Variants in PHF12 observed in about 807,000 individuals in gnomAD.
PHF12 encodes the protein PHD finger protein 12.
PHF12 carries 6 observed loss-of-function variants against 99.8 expected under a neutral mutation model. That is an observed-to-expected ratio of 0.06 (90% confidence interval 0.03 to 0.12). The LOEUF (loss-of-function observed/expected upper bound fraction) is 0.12. Ranked by LOEUF, PHF12 falls within the 10% of genes least tolerant of loss-of-function variation. The probability of loss-of-function intolerance (pLI) is 1.00; values close to 1 mark genes in which losing one functional copy is unlikely to be tolerated. For missense variants in PHF12, 954 were observed against 1,300.1 expected (o/e 0.73, Z 4.09); for synonymous variants, 480 against 514.9 (o/e 0.93, Z 0.92).
Position 28,950,345 on chromosome 17 carries a change from C to T in PHF12, c.67-99G>A, listed in dbSNP as rs147098834. 15 of 1,309,442 alleles carry T rather than the reference C, an allele frequency of 1.1e-5. No individual in the cohort carries two copies. Among genetic ancestry groups the T allele is most frequent in the African/African-American group, 4.5e-5 (3 of 67,036 alleles). 81.1% of individuals were successfully genotyped at this position (1,309,442 alleles called of 1,614,324 possible). A position where few individuals can be genotyped will look rare whatever the true frequency, so the allele number is the denominator to read the frequency against. ...TCTCCGTCACCCACCCCTCTCCCCC[C>T]TTTTGTCCTTCTTCCTCCCATCCAG... On this transcript the variant is annotated intron_variant, in intron 1 of 14. Transcript: ENST00000332830. This position sits in a 1 kb window ranked among gnomAD's most constrained non-coding sequence, Gnocchi z 5.7.
intron 4 of PHF12, among the ~76,000 whole-genome samples, chr17:28,923,624 C>G (rs1278323952): frequency 1.1e-5 from 1 of 91,798 alleles, no homozygotes; most frequent in African/African-American, 4.8e-5. Context: ...TGCCACTGCA[C>G]TCTAGCCTGA....
chr17:28,943,305 A>G (rs1324214947), intron 2 of PHF12, among the ~76,000 whole-genome samples: 3 of 152,174 alleles, frequency 2.0e-5, no homozygotes, highest in Admixed American at 6.6e-5. Context: ...CTCTAGGTGT[A>G]TATCCAAGAG....
Position 28,949,984 on chromosome 17 carries a change from C to T in PHF12, c.248+81G>A. On this transcript the variant is annotated intron_variant, in intron 2 of 14. Transcript: ENST00000332830. This position sits in a 1 kb window ranked among gnomAD's most constrained non-coding sequence, Gnocchi z 4.6. ...TAGCGGCTGCAAGCGCCCGTTATTTCGGCAGTCAGGGGCAGGCCGGGTGAA... is the reference window on the plus strand; with the variant it reads ...TAGCGGCTGCAAGCGCCCGTTATTTTGGCAGTCAGGGGCAGGCCGGGTGAA... 2 of 1,412,676 alleles carry T rather than the reference C, an allele frequency of 1.4e-6. No homozygotes were observed. The highest frequency in any genetic ancestry group is 1.5e-5 in the South Asian group (1 of 68,212). The allele number at this position is 1,412,676 out of a possible 1,614,324, so 87.5% of individuals were successfully genotyped here.
At position 28,927,179 on chromosome 17, in the gene PHF12, T is replaced by C. The variant is rs1247454707; in HGVS notation, c.249-116A>G. ...ATTGTGGCCAGTCCTGCAGGACTGC[T>C]AGGGTTGTCTCCTCCAAAATGCCTA... On this transcript the variant is annotated intron_variant, in intron 2 of 14. Coordinates refer to ENST00000332830, the MANE Select transcript of PHF12 (RefSeq NM_001033561.2). 4 of 866,062 alleles carry C rather than the reference T, an allele frequency of 4.6e-6. No homozygotes were observed. The African/African-American group carries it at 5.1e-5, about 11-fold the overall frequency. 53.6% of individuals were successfully genotyped at this position (866,062 alleles called of 1,614,324 possible). A position where few individuals can be genotyped will look rare whatever the true frequency, so the allele number is the denominator to read the frequency against.
intron 2 of PHF12, chr17:28,945,151 T>G (rs1482733640): frequency 7.2e-5 from 11 of 152,172 alleles, no homozygotes; most frequent in Non-Finnish European, 4.4e-5. Context: ...GTCCCACTAC[T>G]TGGGAGGCTT....
At chr17:28,943,636 TAAACAAAC>T (rs34269306) in intron 2 of PHF12, among the ~76,000 whole-genome samples, 98 of 151,526 alleles carry the variant, frequency 6.5e-4, no homozygotes, top group African/African-American at 2.3e-3. Context: ...TCTCAAAAAA[TAAACAAAC>T]AAACAAACAA....
At chr17:28,909,264 T>C (rs1218394322) in intron 11 of PHF12, 1 of 187,010 alleles carries the variant, frequency 5.3e-6, no homozygotes, top group Non-Finnish European at 1.1e-5. Context: ...CCTACAGATC[T>C]TGTTGAAATG....
chr17:28,937,790 T>G (rs2040535902), intron 2 of PHF12, among the ~76,000 whole-genome samples: 1 of 152,218 alleles, frequency 6.6e-6, no homozygotes, highest in South Asian at 2.1e-4. Flanking sequence ...ATCACTAGCC[T>G]GGTTTGGCTA....
chr17:28,929,631 C>T (rs1213177462), intron 2 of PHF12: 1 of 152,188 alleles, frequency 6.6e-6, no homozygotes, highest in East Asian at 1.9e-4. Context: ...TTCTTAGCTC[C>T]CTGTTTCCCC....
chr17:28,933,227 G>A (rs907214645), intron 2 of PHF12, among the ~76,000 whole-genome samples: 1 of 152,202 alleles, frequency 6.6e-6, no homozygotes, highest in Non-Finnish European at 1.5e-5. Flanking sequence ...ACTATAATGA[G>A]ACAATGCTGC....
At chr17:28,919,586 A>C (rs1315359227) in intron 5 of PHF12, among the ~76,000 whole-genome samples, 5 of 152,098 alleles carry the variant, frequency 3.3e-5, no homozygotes, top group Non-Finnish European at 7.4e-5. Context: ...TAAAAATACA[A>C]AAAATTAGCT....
At chr17:28,921,841 C>G (rs2040172183) in intron 4 of PHF12, 33 bp from the exon 5 acceptor site, 1 of 1,611,054 alleles carries the variant, frequency 6.2e-7, no homozygotes, top group Admixed American at 1.7e-5. Flanking sequence ...TGAGCTATCC[C>G]TGGCTTCAGA....
chr17:28,930,975 G>A (rs1040928185), intron 2 of PHF12, among the ~76,000 whole-genome samples: 2 of 152,180 alleles, frequency 1.3e-5, no homozygotes, highest in African/African-American at 4.8e-5. Flanking sequence ...GTGGGGCTGA[G>A]GTGAGAGGAT....
chr17:28,912,111 C>T (rs1160628634), intron 9 of PHF12: 1 of 1,065,068 alleles, frequency 9.4e-7, no homozygotes, highest in African/African-American at 1.7e-5. Flanking sequence ...CGCAGAACCT[C>T]AGGCTGATCA....
rs1555609579 is a variant in PHF12 at position 28,950,983 on chromosome 17, G to A, written c.-23C>T. 17 of 1,613,534 alleles carry A rather than the reference G, an allele frequency of 1.1e-5. No homozygotes were observed. Among genetic ancestry groups the A allele is most frequent in the South Asian group, 3.3e-5 (3 of 91,026 alleles). ...CATTCATCCACCTCCCGGGCTGGGT[G>A]CTCTCTGCTCCGGCCCCCCCAACCC... is the stretch of plus-strand genomic sequence containing the variant. On this transcript the variant is annotated 5_prime_UTR_variant, in exon 1 of 15. Transcript: ENST00000332830. The surrounding 1 kb of genome is among the most constrained non-coding windows in gnomAD (Gnocchi z 5.7).
intron 8 of PHF12, 63 bp downstream of exon 8, chr17:28,913,816 A>G (rs2040012038): frequency 8.4e-6 from 13 of 1,551,136 alleles, no homozygotes; most frequent in South Asian, 1.2e-5. Flanking sequence ...GCTACTTCTG[A>G]TAACAGCTGT....
chr17:28,906,721 C>G lies in PHF12; in HGVS notation c.2680+135G>C. 7.2e-7 allele frequency: 1 copy of G among 1,383,706 alleles called. No homozygotes were observed. Among genetic ancestry groups the G allele is most frequent in the Non-Finnish European group, 9.8e-7 (1 of 1,024,344 alleles). The allele number at this position is 1,383,706 out of a possible 1,614,324, so 85.7% of individuals were successfully genotyped here. A position where few individuals can be genotyped will look rare whatever the true frequency, so the allele number is the denominator to read the frequency against. ...GTACTCAGCACTTGCTTCTCTGTGGCCTGCCCTGGGCCCACGAGGAAGTAG... is the reference window on the plus strand; with the variant it reads ...GTACTCAGCACTTGCTTCTCTGTGGGCTGCCCTGGGCCCACGAGGAAGTAG... On this transcript the variant is annotated intron_variant, in intron 14 of 14. Transcript: ENST00000332830. The surrounding 1 kb of genome is among the most constrained non-coding windows in gnomAD (Gnocchi z 4.2).
chr17:28,914,667 G>C (rs577481961), intron 7 of PHF12, among the ~76,000 whole-genome samples: 2 of 65,420 alleles, frequency 3.1e-5, no homozygotes, highest in Admixed American at 2.5e-4. Flanking sequence ...GCGAGACTCC[G>C]TCTCAAAAAA....
At chr17:28,944,630 G>C (rs1208397128) in intron 2 of PHF12, 1 of 464,492 alleles carries the variant, frequency 2.2e-6, no homozygotes, top group Non-Finnish European at 2.8e-6. Flanking sequence ...CTGGGCAACA[G>C]AGTGAGACTC....
Sources: allele counts gnomAD v4.1 joint callset (sites outside exome capture counted in the v4.1 genomes callset), GRCh38; gene constraint gnomAD v4.1.1; non-coding constraint Gnocchi (gnomAD v3.1); transcripts MANE v1.5; gene names NCBI Gene and HGNC (gene_info 2026-07-23, HGNC 2026-07-21).